The following GLRA3 variants were observed in gnomAD, a reference collection of about 807,000 sequenced individuals.
GLRA3 encodes glycine receptor alpha 3, also known as glycine receptor subunit alpha-3.
Under a neutral mutation model 60.4 loss-of-function variants are expected in GLRA3, and 44 were observed. That is an observed-to-expected ratio of 0.73 (90% CI 0.57 to 0.94). The LOEUF (loss-of-function observed/expected upper bound fraction) is 0.94. Ranked by LOEUF, GLRA3 falls within the 40% of genes least tolerant of loss-of-function variation. The pLI is 0.00. For synonymous variants in GLRA3, 223 were observed against 192.9 expected (o/e 1.16, Z -1.29); for missense variants, 508 against 564.6 (o/e 0.90, Z 1.02).
chr4:174,719,231 G>T (rs891486999), intron 4 of GLRA3, among the ~76,000 whole-genome samples: 1 of 151,980 alleles, frequency 6.6e-6, no homozygotes, highest in African/African-American at 2.4e-5. Context: ...CCAAAGTGCT[G>T]GGATTACAGG....
intron 4 of GLRA3, among the ~76,000 whole-genome samples, chr4:174,719,687 G>C (rs1030250074): frequency 1.5e-4 from 23 of 151,970 alleles, no homozygotes; most frequent in Non-Finnish European, 2.6e-4. Flanking sequence ...TACTTCTGGA[G>C]CTTAATTGTC....
At chr4:174,688,667 G>A (rs1734654560) in intron 5 of GLRA3, among the ~76,000 whole-genome samples, 1 of 150,570 alleles carries the variant, frequency 6.6e-6, no homozygotes, top group South Asian at 2.1e-4. Context: ...GAAGATGCAG[G>A]TGTTGAGCCT....
intron 1 of GLRA3, among the ~76,000 whole-genome samples, chr4:174,801,812 T>C (rs1167955853): frequency 6.6e-6 from 1 of 152,064 alleles, no homozygotes; most frequent in Admixed American, 6.6e-5. Context: ...CTCTCTGATT[T>C]TAGAAAATAC....
intron 3 of GLRA3, among the ~76,000 whole-genome samples, chr4:174,742,884 G>A (rs1737080316): frequency 1.3e-5 from 2 of 152,108 alleles, no homozygotes; most frequent in African/African-American, 2.4e-5. Flanking sequence ...AGAAGAGAGA[G>A]GCAAAATTAT....
chr4:174,709,855 T>C (rs928917267), intron 5 of GLRA3, among the ~76,000 whole-genome samples: 1 of 152,088 alleles, frequency 6.6e-6, no homozygotes, highest in African/African-American at 2.4e-5. Context: ...GTGCAGTTAT[T>C]TTATTTTGAT....
chr4:174,803,297 G>T (rs1230265157), intron 1 of GLRA3, among the ~76,000 whole-genome samples: 1 of 152,078 alleles, frequency 6.6e-6, no homozygotes, highest in Non-Finnish European at 1.5e-5. Flanking sequence ...AACTGAAAGA[G>T]CTAAAAGACC....
chr4:174,814,306 G>C (rs951860439), intron 1 of GLRA3, among the ~76,000 whole-genome samples: 2 of 152,130 alleles, frequency 1.3e-5, no homozygotes, highest in African/African-American at 4.8e-5. Flanking sequence ...CTCTCAGCAG[G>C]ATGCGGAGCT....
chr4:174,762,657 T>C (rs1312517910), intron 3 of GLRA3, among the ~76,000 whole-genome samples: 4 of 152,186 alleles, frequency 2.6e-5, no homozygotes, highest in African/African-American at 4.8e-5. Context: ...ACCAAATAGA[T>C]ATGCTCTGCC....
rs1044858425 is a variant in GLRA3 at position 174,639,382 on chromosome 4, G to GTA, written c.*4403_*4404insTA. The GTA allele has an allele frequency of 1.6e-5, 2 of 122,334 alleles. No individual in the cohort carries two copies. The highest frequency in any genetic ancestry group is 8.6e-5 in the African/African-American group (2 of 23,386). The allele number at this position is 122,334 out of a possible 1,614,324, so 7.6% of individuals were successfully genotyped here. A position where few individuals can be genotyped will look rare whatever the true frequency, so the allele number is the denominator to read the frequency against. On this transcript the variant is annotated 3_prime_UTR_variant, in exon 10 of 10. Coordinates refer to ENST00000274093, the MANE Select transcript of GLRA3 (RefSeq NM_006529.4). ...ATTACCAATATGTGTATGTGTGTGT[G>GTA]TGTGTGTGTGTGTGTGTGTGTGTGT...
At chr4:174,758,575 C>A (rs951591525) in intron 3 of GLRA3, among the ~76,000 whole-genome samples, 1 of 151,882 alleles carries the variant, frequency 6.6e-6, no homozygotes, top group Admixed American at 6.6e-5. Flanking sequence ...GATAGGATAA[C>A]GGGACAGAAA....
chr4:174,686,795 C>T (rs28408827), intron 5 of GLRA3, among the ~76,000 whole-genome samples: 28,180 of 152,126 alleles, frequency 0.19, 2,870 homozygotes, highest in East Asian at 0.34. Flanking sequence ...AAAGAAACTG[C>T]GAACTCCCAA....
chr4:174,826,791 A>G (rs750352196), intron 1 of GLRA3, among the ~76,000 whole-genome samples: 1 of 151,318 alleles, frequency 6.6e-6, no homozygotes, highest in African/African-American at 2.4e-5. Flanking sequence ...TGTGCTCAAT[A>G]CATCAGGGCT....
intron 6 of GLRA3, 30 bp downstream of exon 6, chr4:174,682,772 T>G: frequency 6.7e-7 from 1 of 1,493,300 alleles, no homozygotes. Context: ...CCACAAGTAG[T>G]AAGTGTAAAG....
At chr4:174,819,685 C>T (rs1022356303) in intron 1 of GLRA3, among the ~76,000 whole-genome samples, 1 of 152,018 alleles carries the variant, frequency 6.6e-6, no homozygotes, top group Non-Finnish European at 1.5e-5. Context: ...ACTCATCTAC[C>T]TTTTATAGAG....
intron 5 of GLRA3, among the ~76,000 whole-genome samples, chr4:174,703,446 C>T (rs1376637234): frequency 6.6e-6 from 1 of 152,130 alleles, no homozygotes; most frequent in Non-Finnish European, 1.5e-5. Context: ...AGATTATTTT[C>T]TCTAAATTTT....
intron 4 of GLRA3, among the ~76,000 whole-genome samples, chr4:174,728,259 T>C (rs1049767297): frequency 2.6e-5 from 4 of 152,206 alleles, no homozygotes; most frequent in Admixed American, 1.3e-4. Context: ...GTTTAAAAAG[T>C]GGATTTCCAA....
intron 5 of GLRA3, among the ~76,000 whole-genome samples, chr4:174,708,199 G>A (rs866207761): frequency 4.6e-5 from 7 of 152,056 alleles, no homozygotes; most frequent in Admixed American, 1.3e-4. Context: ...TAAGAGTAGA[G>A]ACTATTATAA....
intron 2 of GLRA3, among the ~76,000 whole-genome samples, chr4:174,770,911 A>G (rs563005766): frequency 9.2e-5 from 14 of 152,024 alleles, no homozygotes; most frequent in Admixed American, 7.9e-4. Flanking sequence ...ATAAAAAATG[A>G]AAGAGTTCAT....
chr4:174,732,439 T>A (rs184666121), intron 3 of GLRA3, among the ~76,000 whole-genome samples: 1 of 151,972 alleles, frequency 6.6e-6, no homozygotes, highest in Admixed American at 6.6e-5. Flanking sequence ...ACATTTTAGT[T>A]CAAAATACAA....
Sources: gnomAD v4.1 joint callset for allele counts (sites outside exome capture counted in the v4.1 genomes callset) on GRCh38, gnomAD v4.1.1 for gene constraint, MANE v1.5 for transcripts, NCBI Gene and HGNC (gene_info 2026-07-23, HGNC 2026-07-21) for gene names.